XKR6: variants seen among roughly 807,000 people sequenced by gnomAD.
XKR6 encodes the protein XK-related protein 6.
A neutral mutation model predicts 56.7 loss-of-function variants in XKR6; 22 were observed. That is an observed-to-expected ratio of 0.39 (90% CI 0.28 to 0.55). The LOEUF is 0.55. Ranked by LOEUF, XKR6 falls within the 20% of genes least tolerant of loss-of-function variation. The probability of loss-of-function intolerance (pLI) is 0.66; values close to 1 mark genes in which losing one functional copy is unlikely to be tolerated. For missense variants in XKR6, 852 were observed against 889.0 expected (o/e 0.96, Z 0.53); for synonymous variants, 524 against 387.8 (o/e 1.35, Z -4.13).
intron 1 of XKR6, among the ~76,000 whole-genome samples, chr8:11,127,251 C>T (rs1309013668): frequency 6.6e-6 from 1 of 152,220 alleles, no homozygotes; most frequent in Non-Finnish European, 1.5e-5. Context: ...TCTGGAGTCA[C>T]ACTGGTTGAG....
At position 11,159,484 on chromosome 8, in the gene XKR6, C is replaced by T. The variant is rs116375102; in HGVS notation, c.764+41092G>A. Among the ~76,000 whole-genome samples, 1,297 of 152,362 alleles carry T rather than the reference C, an allele frequency of 8.5e-3. 23 individuals carry two copies. The highest frequency in any genetic ancestry group is 0.03 in the African/African-American group (1,251 of 41,574). ...CCGCCTCACTTTCTGCTAACAGACG[C>T]TGCTTCTGTATGGCCATCAGCTTGC... On this transcript the variant is annotated intron_variant, in intron 1 of 2. Transcript: ENST00000416569.
At chr8:11,088,725 CTCATT>C (rs976548507) in intron 1 of XKR6, among the ~76,000 whole-genome samples, 26 of 152,304 alleles carry the variant, frequency 1.7e-4, no homozygotes, top group Admixed American at 1.7e-3. Flanking sequence ...CAATCTGAGA[CTCATT>C]TATTTCTTCA....
chr8:11,182,245 C>T (rs1435943253), intron 1 of XKR6, among the ~76,000 whole-genome samples: 1 of 152,204 alleles, frequency 6.6e-6, no homozygotes, highest in African/African-American at 2.4e-5. Context: ...CCCATGACCA[C>T]AGGTGACGTC....
chr8:11,144,928 G>C (rs938639373), intron 1 of XKR6, among the ~76,000 whole-genome samples: 12 of 150,202 alleles, frequency 8.0e-5, no homozygotes, highest in Admixed American at 6.6e-4. Flanking sequence ...AAGAAGGAAA[G>C]GGAGAGAAGC....
At chr8:11,174,073 C>A (rs1017887796) in intron 1 of XKR6, among the ~76,000 whole-genome samples, 1 of 152,302 alleles carries the variant, frequency 6.6e-6, no homozygotes, top group African/African-American at 2.4e-5. Context: ...AAAAATAAAA[C>A]CACCACTGAT....
intron 1 of XKR6, chr8:11,035,320 G>A (rs1312744326): frequency 7.5e-6 from 4 of 534,798 alleles, no homozygotes; most frequent in Admixed American, 1.9e-5. Flanking sequence ...CTGCGTTGTG[G>A]CAGCTTGGGC....
At chr8:10,997,368 G>A (rs536916930) in intron 1 of XKR6, among the ~76,000 whole-genome samples, 142 of 152,286 alleles carry the variant, frequency 9.3e-4, no homozygotes, top group South Asian at 5.2e-3. Flanking sequence ...AGATTGGGGA[G>A]ATGGGGTACA....
chr8:11,192,252 G>A (rs139679033), intron 1 of XKR6, among the ~76,000 whole-genome samples: 3,271 of 151,980 alleles, frequency 0.022, 112 homozygotes, highest in African/African-American at 0.076. Context: ...TCCGCCTCCC[G>A]GGTTCAAGCG....
At chr8:11,049,467 C>T (rs1395992963) in intron 1 of XKR6, among the ~76,000 whole-genome samples, 3 of 152,234 alleles carry the variant, frequency 2.0e-5, no homozygotes, top group South Asian at 2.1e-4. Flanking sequence ...CAGGGGGCTG[C>T]GGGAATTAGC....
intron 1 of XKR6, among the ~76,000 whole-genome samples, chr8:11,138,922 TAAA>T (rs398067574): frequency 1.3e-4 from 18 of 137,092 alleles, no homozygotes; most frequent in African/African-American, 4.1e-4. Flanking sequence ...ACCGGCAGAA[TAAA>T]AAAAAAAAAA....
At chr8:11,065,314 C>T (rs533052548) in intron 1 of XKR6, among the ~76,000 whole-genome samples, 60 of 152,216 alleles carry the variant, frequency 3.9e-4, no homozygotes, top group Non-Finnish European at 3.2e-4. Flanking sequence ...TCTTATGGAT[C>T]TTGTCAGTTC....
chr8:11,045,075 CTTTTTTTTTTTTTTTTTTT>C (rs5889356), intron 1 of XKR6, among the ~76,000 whole-genome samples: 8 of 36,000 alleles, frequency 2.2e-4, no homozygotes, highest in African/African-American at 7.1e-4. Context: ...TCAAATCACT[CTTTTTTTTTTTTTTTTTTT>C]TTTTTTTTTT....
chr8:10,905,840 G>T (rs533786387), intron 2 of XKR6, among the ~76,000 whole-genome samples: 1 of 152,214 alleles, frequency 6.6e-6, no homozygotes, highest in South Asian at 2.1e-4. Context: ...GTCTCTTCTT[G>T]GAAATGTTCC....
intron 1 of XKR6, among the ~76,000 whole-genome samples, chr8:11,010,401 T>C (rs1345384001): frequency 1.3e-5 from 2 of 152,210 alleles, no homozygotes; most frequent in South Asian, 2.1e-4. Flanking sequence ...CACTTATTAG[T>C]GGTATGACTT....
intron 1 of XKR6, among the ~76,000 whole-genome samples, chr8:11,119,423 A>G (rs1304583016): frequency 6.6e-6 from 1 of 152,150 alleles, no homozygotes; most frequent in East Asian, 1.9e-4. Flanking sequence ...AAAGTCTCCC[A>G]TTATTATTGT....
intron 1 of XKR6, chr8:11,128,868 C>T (rs1373273027): frequency 2.2e-6 from 1 of 456,878 alleles, no homozygotes; most frequent in African/African-American, 2.0e-5. Context: ...TTCAGCCAAG[C>T]CACCATCATC....
intron 1 of XKR6, among the ~76,000 whole-genome samples, chr8:11,149,272 G>A (rs1019910020): frequency 6.6e-6 from 1 of 152,162 alleles, no homozygotes; most frequent in Non-Finnish European, 1.5e-5. Flanking sequence ...TTGCTCCTAG[G>A]CTACAAACCT....
At chr8:11,104,918 G>A (rs1412509330) in intron 1 of XKR6, 1 of 152,184 alleles carries the variant, frequency 6.6e-6, no homozygotes, top group Non-Finnish European at 1.5e-5. Context: ...AAGTCTGTTC[G>A]AGAGATTTCC....
At chr8:11,017,345 A>T (rs1798649119) in intron 1 of XKR6, among the ~76,000 whole-genome samples, 1 of 152,218 alleles carries the variant, frequency 6.6e-6, no homozygotes, top group South Asian at 2.1e-4. Context: ...CCTCCTCAAT[A>T]GACACGAAGC....
Sources: allele counts gnomAD v4.1 joint callset (sites outside exome capture counted in the v4.1 genomes callset), GRCh38; gene constraint gnomAD v4.1.1; transcripts MANE v1.5; gene names NCBI Gene and HGNC (gene_info 2026-07-23, HGNC 2026-07-21).